The following FHIP1A variants were observed in gnomAD, a reference collection of about 807,000 sequenced individuals.
The protein encoded by FHIP1A is FHF complex subunit HOOK-interacting protein 1A.
A neutral mutation model predicts 88.6 loss-of-function variants in FHIP1A; 61 were observed. The ratio of observed to expected loss-of-function variants is 0.69; its 90% CI spans 0.56 to 0.85. The LOEUF (loss-of-function observed/expected upper bound fraction) is 0.85, where lower values mean the gene tolerates loss of function less well. FHIP1A is among the 40% of genes least tolerant of loss of function. FHIP1A has a pLI of 0.00. For missense variants in FHIP1A, 1,154 were observed against 1,273.5 expected (o/e 0.91, Z 1.43); for synonymous variants, 478 against 496.0 (o/e 0.96, Z 0.48).
At chr4:151,640,374 C>T (rs1441666689) in intron 9 of FHIP1A, among the ~76,000 whole-genome samples, 1 of 152,136 alleles carries the variant, frequency 6.6e-6, no homozygotes, top group Non-Finnish European at 1.5e-5. Context: ...TAGATTAGGT[C>T]ATCAGTAGCT....
At chr4:151,638,496 T>A (rs1290355305) in intron 8 of FHIP1A, among the ~76,000 whole-genome samples, 181 bp from the exon 9 acceptor site, 1 of 151,456 alleles carries the variant, frequency 6.6e-6, no homozygotes, top group Non-Finnish European at 1.5e-5. Context: ...TCTAATCAAA[T>A]CCTATAGGAG....
intron 1 of FHIP1A, among the ~76,000 whole-genome samples, chr4:151,414,056 G>T (rs1257191276): frequency 3.0e-4 from 43 of 144,612 alleles, no homozygotes; most frequent in East Asian, 1.2e-3. Context: ...GTGTTTGTTT[G>T]TTTTTTTTTT....
chr4:151,637,283 GA>G (rs1736390368), intron 8 of FHIP1A, among the ~76,000 whole-genome samples: 1 of 151,926 alleles, frequency 6.6e-6, no homozygotes, highest in African/African-American at 2.4e-5. Context: ...CCAAAAGCAT[GA>G]ACAACAACAA....
chr4:151,604,582 C>T (rs1734997396), intron 7 of FHIP1A, among the ~76,000 whole-genome samples: 1 of 152,128 alleles, frequency 6.6e-6, no homozygotes, highest in Non-Finnish European at 1.5e-5. Flanking sequence ...GGCATGGTGG[C>T]TCACGCCTGT....
At chr4:151,529,235 T>C (rs927054436) in intron 3 of FHIP1A, among the ~76,000 whole-genome samples, 2 of 152,132 alleles carry the variant, frequency 1.3e-5, no homozygotes, top group East Asian at 1.9e-4. Flanking sequence ...GAAAAAGGAA[T>C]AGCTAGGCTT....
rs1183016619 is a variant in FHIP1A, at chr4:151,656,721, A to C, written c.2731-39A>C. 8 of 1,531,392 alleles carry C rather than the reference A, an allele frequency of 5.2e-6. No homozygotes were observed. The highest frequency in any genetic ancestry group is 6.2e-6 in the Non-Finnish European group (7 of 1,134,972). The allele number at this position is 1,531,392 out of a possible 1,614,324, so 94.9% of individuals were successfully genotyped here. ...TATTGATAACTGGGAGTGGAATTTC[A>C]TGGTGAGGCATTAACATCAGTAATG... On this transcript the variant is annotated intron_variant, in intron 12 of 13. Transcript: ENST00000435205. This position sits in a 1 kb window ranked among gnomAD's most constrained non-coding sequence, Gnocchi z 4.2.
intron 8 of FHIP1A, among the ~76,000 whole-genome samples, chr4:151,637,619 T>C (rs1736403414): frequency 6.6e-6 from 1 of 152,152 alleles, no homozygotes; most frequent in South Asian, 2.1e-4. Flanking sequence ...GATGGTAATA[T>C]TGTGAGACAG....
intron 3 of FHIP1A, among the ~76,000 whole-genome samples, chr4:151,511,949 G>T (rs547114383): frequency 1.3e-5 from 2 of 152,344 alleles, no homozygotes; most frequent in South Asian, 4.1e-4. Context: ...CTCCCAGCAC[G>T]CAGCTGGAGA....
chr4:151,410,041 G>A (rs2126495089), intron 1 of FHIP1A, among the ~76,000 whole-genome samples: 1 of 152,262 alleles, frequency 6.6e-6, no homozygotes, highest in South Asian at 2.1e-4. Context: ...GTTTCCTCTG[G>A]CTCAACAAAG....
chr4:151,611,137 G>A (rs1216936326), intron 7 of FHIP1A, among the ~76,000 whole-genome samples: 1 of 152,078 alleles, frequency 6.6e-6, no homozygotes, highest in African/African-American at 2.4e-5. Flanking sequence ...GAGAACTGTA[G>A]TGGTCAGGTT....
intron 9 of FHIP1A, among the ~76,000 whole-genome samples, chr4:151,639,439 C>A (rs1162067159): frequency 6.6e-6 from 1 of 152,186 alleles, no homozygotes; most frequent in Non-Finnish European, 1.5e-5. Context: ...CTTGGCCCAG[C>A]AATCCCTCTT....
chr4:151,586,917 T>C (rs1734239101), intron 6 of FHIP1A, 118 bp downstream of exon 6: 5 of 824,166 alleles, frequency 6.1e-6, no homozygotes, highest in Non-Finnish European at 8.7e-6. Context: ...TATGGAATAT[T>C]GGTGCTTTAA....
intron 3 of FHIP1A, among the ~76,000 whole-genome samples, chr4:151,495,946 T>C (rs1434218113): frequency 2.0e-5 from 3 of 152,138 alleles, no homozygotes; most frequent in Non-Finnish European, 4.4e-5. Flanking sequence ...CTTACAATGA[T>C]TATATATTGT....
chr4:151,505,581 A>G (rs1212767689), intron 3 of FHIP1A, among the ~76,000 whole-genome samples: 1 of 152,248 alleles, frequency 6.6e-6, no homozygotes, highest in Non-Finnish European at 1.5e-5. Context: ...GCATATGAAT[A>G]TATTCTTGAT....
chr4:151,483,880 T>A (rs1729986324), intron 3 of FHIP1A, among the ~76,000 whole-genome samples: 1 of 152,208 alleles, frequency 6.6e-6, no homozygotes, highest in Admixed American at 6.5e-5. Context: ...AAGTTCTGTT[T>A]CTAATTAAGG....
chr4:151,583,279 G>A (rs986465804), intron 5 of FHIP1A, among the ~76,000 whole-genome samples: 1 of 152,134 alleles, frequency 6.6e-6, no homozygotes, highest in South Asian at 2.1e-4. Context: ...CTGTTTCTTT[G>A]CCATTCTGAA....
intron 7 of FHIP1A, among the ~76,000 whole-genome samples, chr4:151,624,050 T>G (rs905542648): frequency 1.3e-5 from 2 of 152,196 alleles, no homozygotes; most frequent in African/African-American, 4.8e-5. Flanking sequence ...AAATGTTTGT[T>G]GAATAGGGCC....
chr4:151,421,913 C>G (rs1733184447), intron 1 of FHIP1A, among the ~76,000 whole-genome samples: 1 of 151,998 alleles, frequency 6.6e-6, no homozygotes, highest in Non-Finnish European at 1.5e-5. Flanking sequence ...ATTCTTGAGT[C>G]TTGACAGTGA....
intron 1 of FHIP1A, among the ~76,000 whole-genome samples, chr4:151,442,189 C>T (rs1041441685): frequency 1.3e-5 from 2 of 152,186 alleles, no homozygotes; most frequent in South Asian, 2.1e-4. Context: ...TTATGTGCCG[C>T]GTGGCTGATT....
Sources: allele counts gnomAD v4.1 joint callset (sites outside exome capture counted in the v4.1 genomes callset), GRCh38; gene constraint gnomAD v4.1.1; non-coding constraint Gnocchi (gnomAD v3.1); transcripts MANE v1.5; gene names NCBI Gene and HGNC (gene_info 2026-07-23, HGNC 2026-07-21).